ZFPM2: variants seen among roughly 807,000 people sequenced by gnomAD.
ZFPM2 encodes the protein zinc finger protein, FOG family member 2, also known as zinc finger protein ZFPM2.
In ZFPM2, 20 loss-of-function variants were observed where a neutral mutation model predicts 98.6. That is an observed-to-expected ratio of 0.20 (90% confidence interval 0.14 to 0.29). ZFPM2 has a LOEUF of 0.29. ZFPM2 is among the 10% of genes least tolerant of loss of function. The probability of loss-of-function intolerance (pLI) is 1.00; values close to 1 mark genes in which losing one functional copy is unlikely to be tolerated. For synonymous variants in ZFPM2, 518 were observed against 502.7 expected (o/e 1.03, Z -0.41); for missense variants, 1,310 against 1,388.6 (o/e 0.94, Z 0.90).
rs1199637459 is a variant in ZFPM2, at chr8:105,620,167, A to G, written c.421-14079A>G. On this transcript the variant is annotated intron_variant, in intron 4 of 7. Coordinates refer to ENST00000407775, the MANE Select transcript of ZFPM2 (RefSeq NM_012082.4). ...CCACCAACAGTGTAAAAGTGTTCCT[A>G]TTTCTCCACATCCTCTCCAGCACCT... 5.3e-5 allele frequency among the ~76,000 whole-genome samples: 8 copies of G among 152,182 alleles called. No homozygotes were observed. The East Asian group carries it at 5.8e-4, about 11-fold the overall frequency.
intron 3 of ZFPM2, among the ~76,000 whole-genome samples, chr8:105,554,902 A>G (rs558026202): frequency 7.9e-5 from 12 of 152,244 alleles, no homozygotes; most frequent in South Asian, 6.2e-4. Context: ...GAGGCATCAA[A>G]AAGACCATAT....
At chr8:105,663,767 G>A (rs1817436448) in intron 5 of ZFPM2, among the ~76,000 whole-genome samples, 1 of 152,188 alleles carries the variant, frequency 6.6e-6, no homozygotes, top group Admixed American at 6.5e-5. Flanking sequence ...AAAATTAAAT[G>A]TGTTAAAATT....
intron 5 of ZFPM2, among the ~76,000 whole-genome samples, chr8:105,645,638 C>T (rs1299433820): frequency 6.6e-6 from 1 of 152,096 alleles, no homozygotes; most frequent in Non-Finnish European, 1.5e-5. Flanking sequence ...TTCTAACAGG[C>T]TGGGAAGCAT....
At position 105,802,887 on chromosome 8, in the gene ZFPM2, C is replaced by T; in HGVS notation, c.2805C>T (p.His935=). ...PSPNGNLFSS[H]LATLQGLKVF... ...CCAATGGAAACTTATTTTCATCCCA[C>T]CTAGCAACCCTGCAAGGCTTGAAGG... is the stretch of plus-strand genomic sequence containing the variant. The change falls in exon 8 of 8, where the codon CAC becomes CAT. Residue 935 remains histidine, a synonymous_variant. Transcript: ENST00000407775. 1.2e-6 allele frequency: 2 copies of T among 1,613,766 alleles called. No individual in the cohort carries two copies. The highest frequency in any genetic ancestry group is 1.7e-6 in the Non-Finnish European group (2 of 1,179,826).
intron 4 of ZFPM2, among the ~76,000 whole-genome samples, chr8:105,617,025 A>G (rs1194759306): frequency 2.0e-5 from 1 of 49,062 alleles, no homozygotes; most frequent in Non-Finnish European, 4.6e-5. Context: ...GTCTCGAAAA[A>G]AAAAAAAAAA....
chr8:105,409,399 A>G (rs1172758755), intron 1 of ZFPM2, among the ~76,000 whole-genome samples: 1 of 151,932 alleles, frequency 6.6e-6, no homozygotes. Context: ...CTACAGGTCT[A>G]TTCTGTCCCA....
At chr8:105,717,800 C>A (rs77795411) in intron 5 of ZFPM2, among the ~76,000 whole-genome samples, 12,024 of 151,812 alleles carry the variant, frequency 0.079, 652 homozygotes, top group African/African-American at 0.14. Flanking sequence ...ATTGCACCAT[C>A]TTGTCACATG....
chr8:105,789,778 T>C (rs1430595617), intron 6 of ZFPM2, among the ~76,000 whole-genome samples: 7 of 152,254 alleles, frequency 4.6e-5, no homozygotes, highest in Non-Finnish European at 1.0e-4. Context: ...ATTGCCATTC[T>C]AACTGGGGTG....
chr8:105,580,817 C>CTATATA (rs1333995271), intron 4 of ZFPM2, among the ~76,000 whole-genome samples: 3 of 112,236 alleles, frequency 2.7e-5, no homozygotes, highest in Admixed American at 9.2e-5. Flanking sequence ...CTCTCTCTCT[C>CTATATA]TCTCTCTCTC....
intron 1 of ZFPM2, among the ~76,000 whole-genome samples, chr8:105,330,569 CATATATATATACATATATATATATACAT>C (rs1181696290): frequency 7.6e-5 from 4 of 52,664 alleles, no homozygotes; most frequent in South Asian, 5.8e-4. Flanking sequence ...TATATATATA[CATATATATATACATATATATATATACAT>C]ATATATATAT....
intron 5 of ZFPM2, among the ~76,000 whole-genome samples, chr8:105,654,972 A>C (rs1194842044): frequency 6.6e-6 from 1 of 152,148 alleles, no homozygotes; most frequent in Non-Finnish European, 1.5e-5. Flanking sequence ...CATGAAGCCA[A>C]ATAATTTTGT....
At chr8:105,402,149 A>G (rs1811354201) in intron 1 of ZFPM2, among the ~76,000 whole-genome samples, 1 of 152,064 alleles carries the variant, frequency 6.6e-6, no homozygotes, top group Non-Finnish European at 1.5e-5. Flanking sequence ...TGCCAGTATT[A>G]TCAGCCTTTC....
chr8:105,388,237 AGT>A (rs1248003084), intron 1 of ZFPM2, among the ~76,000 whole-genome samples: 1 of 152,190 alleles, frequency 6.6e-6, no homozygotes, highest in Non-Finnish European at 1.5e-5. Context: ...CTGTGAAATC[AGT>A]GGCAACATAG....
intron 4 of ZFPM2, among the ~76,000 whole-genome samples, chr8:105,586,447 G>C (rs1470227026): frequency 6.6e-6 from 1 of 151,758 alleles, no homozygotes; most frequent in Non-Finnish European, 1.5e-5. Flanking sequence ...TTTTGAGATG[G>C]AGTCTCATTC....
chr8:105,762,972 A>T (rs1812766851), intron 5 of ZFPM2, among the ~76,000 whole-genome samples: 1 of 151,710 alleles, frequency 6.6e-6, no homozygotes, highest in African/African-American at 2.4e-5. Flanking sequence ...TAAATAGATG[A>T]GAATTATATG....
intron 3 of ZFPM2, among the ~76,000 whole-genome samples, chr8:105,560,873 A>T (rs1301879284): frequency 1.3e-5 from 2 of 152,198 alleles, no homozygotes; most frequent in Non-Finnish European, 2.9e-5. Context: ...TTTGAAAAAC[A>T]TGCCTTGCTA....
At chr8:105,329,993 T>C (rs1406317736) in intron 1 of ZFPM2, among the ~76,000 whole-genome samples, 1 of 151,752 alleles carries the variant, frequency 6.6e-6, no homozygotes, top group Admixed American at 6.6e-5. Context: ...AGAAAAATGT[T>C]GTAGAACACT....
chr8:105,400,902 T>C (rs1179518598), intron 1 of ZFPM2, among the ~76,000 whole-genome samples: 2 of 152,062 alleles, frequency 1.3e-5, no homozygotes, highest in African/African-American at 4.8e-5. Flanking sequence ...TGCAGAATTA[T>C]AGAATATGTC....
chr8:105,556,948 C>A (rs551353729), intron 3 of ZFPM2, among the ~76,000 whole-genome samples: 7 of 152,214 alleles, frequency 4.6e-5, no homozygotes, highest in Admixed American at 3.9e-4. Context: ...GTCTCAAACT[C>A]CTGACCCTCA....
Sources: gnomAD v4.1 joint callset for allele counts (sites outside exome capture counted in the v4.1 genomes callset) on GRCh38, gnomAD v4.1.1 for gene constraint, MANE v1.5 for transcripts, NCBI Gene and HGNC (gene_info 2026-07-23, HGNC 2026-07-21) for gene names.